Variants in DMD observed in about 807,000 individuals in gnomAD.
DMD encodes the protein dystrophin, also known as mutant dystrophin.
A neutral mutation model predicts 330.1 loss-of-function variants in DMD; 63 were observed. The observed-to-expected ratio is 0.19, with a 90% CI of 0.16 to 0.24. The LOEUF (loss-of-function observed/expected upper bound fraction) is 0.24. Ranked by LOEUF, DMD falls within the 10% of genes least tolerant of loss-of-function variation. DMD has a pLI of 1.00. For synonymous variants in DMD, 1,223 were observed against 959.8 expected (o/e 1.27, Z -5.07); for missense variants, 3,344 against 2,684.1 (o/e 1.25, Z -5.43).
chrX:31,182,714 C>CA, intron 68 of DMD, 24 bp downstream of exon 68: 1 of 992,347 alleles, frequency 1.0e-6, no homozygotes, highest in East Asian at 3.1e-5. Flanking sequence ...AAAAAAATGA[C>CA]ATTTTTTTTT....
chrX:32,748,279 G>A lies in DMD; in HGVS notation c.650-48986C>T, dbSNP rs187697784. Among the ~76,000 whole-genome samples, 415 of 106,928 alleles carry A rather than the reference G, an allele frequency of 3.9e-3. 3 individuals carry two copies. The highest frequency in any genetic ancestry group is 0.024 in the Middle Eastern group (5 of 211). The allele number at this position is 106,928 out of a possible 115,157, so 92.9% of individuals were successfully genotyped here. A position where few individuals can be genotyped will look rare whatever the true frequency, so the allele number is the denominator to read the frequency against. The stretch of plus-strand genomic sequence containing the variant: ...GAATTGCTTGAACCCGGGAGGCAGC[G>A]GTAGCAGTGAGCCAAGATCATGCCA... On this transcript the variant is annotated intron_variant, in intron 7 of 78. Coordinates refer to ENST00000357033, the MANE Select transcript of DMD (RefSeq NM_004006.3).
chrX:31,173,555 C>T lies in DMD; in HGVS notation c.10312G>A (p.Glu3438Lys). ...GTCTCATACCTGCTAGCATAATGTT[C>T]AATGCGTGAATGAGTATCATCGTGT... Reference protein sequence around the residue: ...LSHDDTHSRIEHYASRLAEME... With the variant: ...LSHDDTHSRIKHYASRLAEME... Residue 3438 changes from glutamate (E) to lysine (K), a missense_variant, in exon 72 of 79, where the codon GAA (glutamate) becomes AAA (lysine). Transcript: ENST00000357033. The T allele has an allele frequency of 8.3e-7, 1 of 1,209,941 alleles. No homozygotes were observed. Among genetic ancestry groups the T allele is most frequent in the East Asian group, 3.0e-5 (1 of 33,824 alleles).
chrX:31,378,819 A>G (rs1484397178), intron 60 of DMD, among the ~76,000 whole-genome samples: 2 of 109,786 alleles, frequency 1.8e-5, no homozygotes, highest in Non-Finnish European at 3.8e-5. Context: ...CTGTGCTCTC[A>G]AGAACTTAAA....
intron 3 of DMD, among the ~76,000 whole-genome samples, chrX:32,846,745 A>AAAAAAAC (rs2080713979): frequency 9.7e-6 from 1 of 102,585 alleles, no homozygotes; most frequent in African/African-American, 3.9e-5. Context: ...AAAAAAAAAA[A>AAAAAAAC]AAGCAACAGC....
At chrX:32,191,091 T>C (rs1301057981) in intron 44 of DMD, among the ~76,000 whole-genome samples, 2 of 111,247 alleles carry the variant, frequency 1.8e-5, no homozygotes, top group African/African-American at 3.3e-5. Context: ...TCAGGTATCA[T>C]AAGTGCTAGA....
At chrX:33,303,649 G>C (rs774613933) in intron 1 of DMD, among the ~76,000 whole-genome samples, 1 of 111,207 alleles carries the variant, frequency 9.0e-6, no homozygotes, top group Admixed American at 9.6e-5. Context: ...TCTTGTGATA[G>C]CAAGTAAGTT....
intron 44 of DMD, among the ~76,000 whole-genome samples, chrX:32,003,137 C>T (rs2095638881): frequency 8.9e-6 from 1 of 111,854 alleles, no homozygotes; most frequent in Non-Finnish European, 1.9e-5. Context: ...TTTAGCTCTG[C>T]TACTGTGTAT....
At chrX:32,248,607 A>C (rs1274158716) in intron 43 of DMD, among the ~76,000 whole-genome samples, 2 of 109,833 alleles carry the variant, frequency 1.8e-5, no homozygotes, top group Non-Finnish European at 3.8e-5. Flanking sequence ...AAAAAAAAAA[A>C]CAAAGAAACA....
chrX:31,391,443 C>T (rs2060679581), intron 60 of DMD, among the ~76,000 whole-genome samples: 1 of 111,690 alleles, frequency 9.0e-6, no homozygotes, highest in Non-Finnish European at 1.9e-5. Flanking sequence ...TTAATGCTAA[C>T]ATTTTTACTG....
intron 2 of DMD, among the ~76,000 whole-genome samples, chrX:32,902,364 C>G (rs1464526573): frequency 4.5e-5 from 5 of 110,368 alleles, no homozygotes; most frequent in Non-Finnish European, 7.5e-5. Flanking sequence ...AGAAAGACAC[C>G]AAATTTTGAT....
intron 34 of DMD, among the ~76,000 whole-genome samples, chrX:32,378,039 C>T (rs1288868497): frequency 4.5e-5 from 5 of 110,638 alleles, no homozygotes; most frequent in Admixed American, 9.7e-5. Flanking sequence ...TATGAATCAG[C>T]GTGTTATCAC....
At chrX:32,677,642 C>A (rs1231675159) in intron 9 of DMD, among the ~76,000 whole-genome samples, 2 of 111,549 alleles carry the variant, frequency 1.8e-5, no homozygotes, top group Non-Finnish European at 3.8e-5. Flanking sequence ...CTATAAAAAT[C>A]CTTCATGTGT....
At position 31,898,118 on chromosome X, in the gene DMD, A is replaced by G. The variant is rs796282235; in HGVS notation, c.6913-22745T>C. On this transcript the variant is annotated intron_variant, in intron 47 of 78. Transcript: ENST00000357033. ...AAACCACTGCTCAAGGAAATAAAAG[A>G]GGATACAAACAAATGGAAGAACATT... Among the ~76,000 whole-genome samples, 36 of 110,400 alleles carry G rather than the reference A, an allele frequency of 3.3e-4. No homozygotes were observed. In the South Asian group the frequency reaches 0.012, roughly 36 times the overall value.
intron 4 of DMD, among the ~76,000 whole-genome samples, chrX:32,838,747 T>A (rs1009035468): frequency 8.9e-6 from 1 of 112,226 alleles, no homozygotes; most frequent in Non-Finnish European, 1.9e-5. Context: ...TAACAACAGT[T>A]AGAATGGCAA....
intron 9 of DMD, among the ~76,000 whole-genome samples, chrX:32,659,999 CT>C (rs1325775259): frequency 1.8e-5 from 2 of 110,869 alleles, no homozygotes; most frequent in Non-Finnish European, 3.8e-5. Context: ...TAAAAGTCCT[CT>C]ATCCTGTTGG....
At chrX:33,215,389 G>T (rs1309280008), upstream of DMD, among the ~76,000 whole-genome samples, 2 of 110,049 alleles carry the variant, frequency 1.8e-5, no homozygotes, top group African/African-American at 6.6e-5. Flanking sequence ...TTTGTATTTG[G>T]TTTGTTGATT....
intron 1 of DMD, among the ~76,000 whole-genome samples, chrX:33,062,733 T>C (rs753565639): frequency 3.1e-3 from 344 of 112,766 alleles, no homozygotes; most frequent in Non-Finnish European, 5.7e-3. Context: ...CGCCTCGGCC[T>C]CCCAAAGTGC....
intron 47 of DMD, among the ~76,000 whole-genome samples, chrX:31,908,851 T>C (rs1031742931): frequency 9.0e-6 from 1 of 110,770 alleles, no homozygotes; most frequent in Non-Finnish European, 1.9e-5. Context: ...ACATTTCTGC[T>C]CTCTCCCAAG....
chrX:32,261,330 G>A (rs1408659132), intron 43 of DMD, among the ~76,000 whole-genome samples: 1 of 111,625 alleles, frequency 9.0e-6, no homozygotes, highest in Non-Finnish European at 1.9e-5. Context: ...TCTCTTACAA[G>A]GTATCTACTG....
Sources: allele counts gnomAD v4.1 joint callset (sites outside exome capture counted in the v4.1 genomes callset), GRCh38; gene constraint gnomAD v4.1.1; transcripts MANE v1.5; gene names NCBI Gene and HGNC (gene_info 2026-07-23, HGNC 2026-07-21).